COL6A3: variants seen among roughly 807,000 people sequenced by gnomAD.
COL6A3 encodes the protein collagen type VI alpha 3 chain.
Under a neutral mutation model 274.1 loss-of-function variants are expected in COL6A3, and 137 were observed. The observed-to-expected ratio is 0.50, with a 90% CI of 0.44 to 0.58. The LOEUF is 0.58. COL6A3 is among the 20% of genes least tolerant of loss of function. COL6A3 has a pLI of 0.00. For synonymous variants in COL6A3, 1,650 were observed against 1,650.6 expected (o/e 1.00, Z 0.01); for missense variants, 3,950 against 4,124.9 (o/e 0.96, Z 1.16).
At chr2:237,337,463 G>A (rs1700607569) in intron 39 of COL6A3, among the ~76,000 whole-genome samples, 1 of 152,198 alleles carries the variant, frequency 6.6e-6, no homozygotes, top group Non-Finnish European at 1.5e-5. Flanking sequence ...CACTCCTTCT[G>A]AGGTCAAAAG....
rs779564611 is a variant in COL6A3 at position 237,387,871 on chromosome 2, G to A, written c.1023C>T (p.Arg341=). The change falls in exon 4 of 44, where the codon CGC becomes CGT. Residue 341 remains arginine (R), a synonymous_variant. Transcript: ENST00000295550. ...GCACCTGGGGAACCCCTTCCTCCAC[G>A]CGGCTGCCCCCTGCCCGGGTGAAGT... ...ENHFTRAGGS[R]VEEGVPQVLV... 6.2e-6 allele frequency: 10 copies of A among 1,614,122 alleles called. No individual in the cohort carries two copies. The Admixed American group carries it at 1.3e-4, about 22-fold the overall frequency.
At chr2:237,402,149 CCATTT>C (rs375479751) in intron 1 of COL6A3, among the ~76,000 whole-genome samples, 320 of 152,132 alleles carry the variant, frequency 2.1e-3, no homozygotes, top group African/African-American at 7.4e-3. Context: ...CTTTATAATT[CCATTT>C]ATGTGAAGGT....
chr2:237,338,981 T>C, intron 39 of COL6A3, 34 bp downstream of exon 39: 1 of 1,572,062 alleles, frequency 6.4e-7, no homozygotes, highest in East Asian at 2.2e-5. Flanking sequence ...CCTGCAGCGC[T>C]ACAATTTTTA....
chr2:237,395,785 T>C (rs577746128), intron 2 of COL6A3, among the ~76,000 whole-genome samples: 2 of 152,330 alleles, frequency 1.3e-5, no homozygotes, highest in East Asian at 3.9e-4. Context: ...TTTTCCAGAT[T>C]TTTTGAGCAT....
intron 37 of COL6A3, 51 bp downstream of exon 37, chr2:237,342,014 A>T: frequency 7.0e-7 from 1 of 1,426,008 alleles, no homozygotes; most frequent in East Asian, 2.3e-5. Context: ...CATGGATATT[A>T]TGTTTTGCAA....
At chr2:237,366,246 G>T (rs895079844) in intron 11 of COL6A3, among the ~76,000 whole-genome samples, 1 of 152,158 alleles carries the variant, frequency 6.6e-6, no homozygotes, top group East Asian at 1.9e-4. Flanking sequence ...CAAATAGTAA[G>T]CTATTTTAAA....
At chr2:237,375,588 G>A (rs1232093126) in intron 7 of COL6A3, among the ~76,000 whole-genome samples, 3 of 152,194 alleles carry the variant, frequency 2.0e-5, no homozygotes, top group Non-Finnish European at 4.4e-5. Context: ...TGTCGCCCAG[G>A]CTAGAGTGCA....
chr2:237,405,095 G>C (rs1386284078), intron 1 of COL6A3, among the ~76,000 whole-genome samples: 1 of 152,078 alleles, frequency 6.6e-6, no homozygotes, highest in East Asian at 1.9e-4. Context: ...AGCCCTTCCA[G>C]CTCTGAAAAG....
In COL6A3 at chr2:237,340,997, T is replaced by G. The variant is rs1282818139; in HGVS notation, c.7919A>C (p.Lys2640Thr). The G allele has an allele frequency of 4.3e-6, 7 of 1,614,054 alleles. No homozygotes were observed. The South Asian group carries it at 7.7e-5, about 18-fold the overall frequency. ...TTGTCTGACCAGGTACGCTATGTAC[T>G]TCTTCATCTCATTGAACTGGAACAG... ...TTLFQFNEMKKYIAYLVRQLD... is the reference protein window; with the variant it reads ...TTLFQFNEMKTYIAYLVRQLD... The change falls in exon 38 of 44, where the codon AAG becomes ACG. Residue 2640 changes from lysine to threonine, a missense_variant. By Grantham distance (78) the Lys-to-Thr change is moderately conservative (BLOSUM62 -1). Transcript: ENST00000295550.
Position 237,375,039 on chromosome 2 carries a change from G to T in COL6A3, c.3071-19C>A, listed in dbSNP as rs373629500. On this transcript the variant is annotated intron_variant, in intron 7 of 43. Transcript: ENST00000295550. ...CCTGAAACTGGGAGGAGGACAGCCT[G>T]GTAACTCACACAGGACATCAGAGCA... The T allele has an allele frequency of 6.2e-7, 1 of 1,612,680 alleles. No homozygotes were observed. The highest frequency in any genetic ancestry group is 1.1e-5 in the South Asian group (1 of 91,062).
chr2:237,353,453 T>C (rs2077250266), intron 24 of COL6A3, 50 bp from the exon 25 acceptor site: 1 of 1,511,924 alleles, frequency 6.6e-7, no homozygotes, highest in Non-Finnish European at 9.2e-7. Context: ...TTCCTGTCAA[T>C]GTCAGCTCTT....
In COL6A3 at chr2:237,364,299, C is replaced by A. The variant is rs1277468278; in HGVS notation, c.5917+51G>T. Reference sequence around the variant, plus strand: ...GGTTTCTCTCCAGCAGAGCAGTACACCCCGCCTCACCAGGGTTTACTTCTC... The same window carrying A: ...GGTTTCTCTCCAGCAGAGCAGTACAACCCGCCTCACCAGGGTTTACTTCTC... On this transcript the variant is annotated intron_variant, in intron 13 of 43. Coordinates refer to ENST00000295550, the MANE Select transcript of COL6A3 (RefSeq NM_004369.4). This position sits in a 1 kb window ranked among gnomAD's most constrained non-coding sequence, Gnocchi z 4.6. The A allele has an allele frequency of 9.1e-6, 13 of 1,428,968 alleles. No homozygotes were observed. Among genetic ancestry groups the A allele is most frequent in the Non-Finnish European group, 1.3e-5 (13 of 1,014,050 alleles). 88.5% of individuals were successfully genotyped at this position (1,428,968 alleles called of 1,614,324 possible).
chr2:237,385,391 G>C lies in COL6A3; in HGVS notation c.1312+2191C>G, dbSNP rs56800324. On this transcript the variant is annotated intron_variant, in intron 4 of 43. Coordinates refer to ENST00000295550, the MANE Select transcript of COL6A3 (RefSeq NM_004369.4). ...AACTCTACTTGGCTAGGGAAAATCT[G>C]AAACAAGGGTCATGTGCTGCCCATT... is the stretch of plus-strand genomic sequence containing the variant. Among the ~76,000 whole-genome samples the C allele has an allele frequency of 7.0e-3, 1,071 of 152,330 alleles. 13 individuals are homozygous for C. The highest frequency in any genetic ancestry group is 0.024 in the African/African-American group (982 of 41,572).
At chr2:237,363,925 A>T (rs1391483930) in intron 13 of COL6A3, among the ~76,000 whole-genome samples, 1 of 152,218 alleles carries the variant, frequency 6.6e-6, no homozygotes, top group African/African-American at 2.4e-5. Context: ...TTGGTACGTC[A>T]TTGCTTACAT....
rs1156348094 is a variant in COL6A3 at position 237,388,159 on chromosome 2, G to A, written c.735C>T (p.Phe245=). The change falls in exon 4 of 44, where the codon TTC becomes TTT. Residue 245 remains phenylalanine, a synonymous_variant. Transcript: ENST00000295550. The part of the protein sequence containing the change: ...ITAQDSADII[F]LIDGSNNTGS... ...CGGTGTTGTTTGATCCATCAATAAGGAAAATAATGTCAGCAGAGTCTTGTG... is the reference window on the plus strand; with the variant it reads ...CGGTGTTGTTTGATCCATCAATAAGAAAAATAATGTCAGCAGAGTCTTGTG... 6.2e-7 allele frequency: 1 copy of A among 1,614,116 alleles called. No individual in the cohort carries two copies. Among genetic ancestry groups the A allele is most frequent in the Non-Finnish European group, 8.5e-7 (1 of 1,180,032 alleles).
chr2:237,355,407 G>C (rs868753982), intron 23 of COL6A3: 3 of 159,722 alleles, frequency 1.9e-5, no homozygotes, highest in Non-Finnish European at 2.7e-5. Context: ...ACACACACTC[G>C]GTTAAGTAAA....
Position 237,358,597 on chromosome 2 carries a change from A to T in COL6A3, c.6409-14T>A. ...TCCTTTATCACCCTAAAGAAAAAGC[A>T]CAAGTGGATGCTAAAAACTAGATGT... On this transcript the variant is annotated splice_polypyrimidine_tract_variant and intron_variant, in intron 20 of 43. Transcript: ENST00000295550. 6.2e-7 allele frequency: 1 copy of T among 1,610,280 alleles called. No individual in the cohort carries two copies. The highest frequency in any genetic ancestry group is 8.5e-7 in the Non-Finnish European group (1 of 1,176,592).
chr2:237,360,532 C>T (rs1430234889), intron 16 of COL6A3, among the ~76,000 whole-genome samples: 1 of 152,154 alleles, frequency 6.6e-6, no homozygotes, highest in Non-Finnish European at 1.5e-5. Context: ...CCGAGCCCTG[C>T]CGGCTGGGCC....
At chr2:237,404,820 A>T (rs578199638) in intron 1 of COL6A3, among the ~76,000 whole-genome samples, 35 of 152,356 alleles carry the variant, frequency 2.3e-4, no homozygotes, top group African/African-American at 7.9e-4. Context: ...CAATCTAAAT[A>T]GTTACAAAAT....
Sources: allele counts gnomAD v4.1 joint callset (sites outside exome capture counted in the v4.1 genomes callset), GRCh38; gene constraint gnomAD v4.1.1; non-coding constraint Gnocchi (gnomAD v3.1); transcripts MANE v1.5; gene names NCBI Gene and HGNC (gene_info 2026-07-23, HGNC 2026-07-21).